KLHL1: variants seen among roughly 807,000 people sequenced by gnomAD.
KLHL1 encodes the protein kelch like family member 1.
In KLHL1, 47 loss-of-function variants were observed where a neutral mutation model predicts 77.7. The observed-to-expected ratio is 0.60, with a 90% CI of 0.48 to 0.77. The LOEUF is 0.77. KLHL1 is among the 30% of genes least tolerant of loss of function. The probability of loss-of-function intolerance (pLI) is 0.00; values close to 1 mark genes in which losing one functional copy is unlikely to be tolerated. For synonymous variants in KLHL1, 360 were observed against 325.2 expected, an observed-to-expected ratio of 1.11 and a Z score of -1.15; for missense variants, 925 against 910.8, an observed-to-expected ratio of 1.02 and a Z score of -0.20.
At position 69,865,081 on chromosome 13, in the gene KLHL1, G is replaced by C. The variant is rs563680509; in HGVS notation, c.1227+17202C>G. ...CCTGCCTCAGCCTCCTGAGTAGCTGGGGCTACAGGCATGCATGTATATTGT... is the reference window on the plus strand; with the variant it reads ...CCTGCCTCAGCCTCCTGAGTAGCTGCGGCTACAGGCATGCATGTATATTGT... On this transcript the variant is annotated intron_variant, in intron 5 of 10. Coordinates refer to ENST00000377844, the MANE Select transcript of KLHL1 (RefSeq NM_020866.3). Among the ~76,000 whole-genome samples the C allele has an allele frequency of 2.6e-5, 4 of 152,196 alleles. No individual in the cohort carries two copies. In the South Asian group the frequency reaches 8.3e-4, roughly 32 times the overall value.
intron 4 of KLHL1, among the ~76,000 whole-genome samples, chr13:69,920,009 A>G (rs1882581652): frequency 1.3e-5 from 2 of 152,132 alleles, no homozygotes; most frequent in South Asian, 4.1e-4. Flanking sequence ...TAAAGAACAT[A>G]TATGTAAAAT....
Position 69,817,243 on chromosome 13 carries a change from G to T in KLHL1, c.1415-20281C>A, listed in dbSNP as rs192014621. On this transcript the variant is annotated intron_variant, in intron 6 of 10. Transcript: ENST00000377844. ...AATTTTTCTAGCTTTCGTTGAAAAT[G>T]TAGACACTGGAATGAAAGAAAAAGA... 2.9e-3 allele frequency among the ~76,000 whole-genome samples: 438 copies of T among 152,210 alleles called. 6 individuals are homozygous for T. The highest frequency in any genetic ancestry group is 0.012 in the East Asian group (60 of 5,172).
intron 5 of KLHL1, among the ~76,000 whole-genome samples, chr13:69,848,717 GA>G (rs1401205445): frequency 6.6e-6 from 1 of 151,142 alleles, no homozygotes; most frequent in Non-Finnish European, 1.5e-5. Flanking sequence ...GAGGAAACAA[GA>G]AAAAAATGCA....
chr13:69,757,793 T>A (rs115117296), intron 7 of KLHL1, among the ~76,000 whole-genome samples: 3 of 151,282 alleles, frequency 2.0e-5, no homozygotes, highest in Admixed American at 6.6e-5. Context: ...TCGTCCCTAC[T>A]AAAAATGCAA....
At chr13:69,959,313 CTT>C (rs959157826) in intron 3 of KLHL1, among the ~76,000 whole-genome samples, 71 of 152,064 alleles carry the variant, frequency 4.7e-4, no homozygotes, top group African/African-American at 1.6e-3. Context: ...AGATCTCTGT[CTT>C]TTAGTTGCTG....
chr13:70,092,152 A>G (rs9564648), intron 1 of KLHL1, among the ~76,000 whole-genome samples: 42,847 of 152,074 alleles, frequency 0.28, 6,751 homozygotes, highest in African/African-American at 0.43. Context: ...CAGCCTATGC[A>G]ATTGAGCAGA....
At chr13:69,784,547 A>AAAAC (rs1275029635) in intron 7 of KLHL1, among the ~76,000 whole-genome samples, 1 of 151,922 alleles carries the variant, frequency 6.6e-6, no homozygotes, top group Admixed American at 6.6e-5. Flanking sequence ...AGTCTCTGAT[A>AAAAC]AAACAGACTT....
rs1373336247 is a variant in KLHL1, at chr13:70,057,761, C to T, written c.497+49442G>A. Reference sequence around the variant, plus strand: ...ACTGCAGTCCGCAGTCCGGCCTGGGCGACAGAGCGAGACTCCGTCTCAAAA... The same window carrying T: ...ACTGCAGTCCGCAGTCCGGCCTGGGTGACAGAGCGAGACTCCGTCTCAAAA... On this transcript the variant is annotated intron_variant, in intron 1 of 10. Transcript: ENST00000377844. Among the ~76,000 whole-genome samples, 5 of 109,164 alleles carry T rather than the reference C, an allele frequency of 4.6e-5. No individual in the cohort carries two copies. In the East Asian group the frequency reaches 1.1e-3, roughly 24 times the overall value. The allele number at this position is 109,164 out of a possible 152,430, so 71.6% of individuals were successfully genotyped here.
chr13:69,793,851 T>G (rs2138032869), intron 7 of KLHL1, among the ~76,000 whole-genome samples: 1 of 152,220 alleles, frequency 6.6e-6, no homozygotes, highest in Middle Eastern at 3.4e-3. Flanking sequence ...AGATAAAAAT[T>G]TAGAGCACTG....
intron 7 of KLHL1, among the ~76,000 whole-genome samples, chr13:69,775,341 G>A (rs1875772407): frequency 6.6e-6 from 1 of 152,104 alleles, no homozygotes; most frequent in South Asian, 2.1e-4. Context: ...AAATTTATAT[G>A]TCTTGTAAAA....
intron 5 of KLHL1, among the ~76,000 whole-genome samples, chr13:69,847,361 T>C (rs1280888476): frequency 2.0e-5 from 3 of 149,328 alleles, no homozygotes; most frequent in Non-Finnish European, 3.0e-5. Flanking sequence ...AGAAAAGACC[T>C]ACATCATAAG....
chr13:69,757,260 A>G (rs984789892), intron 7 of KLHL1, among the ~76,000 whole-genome samples: 3 of 152,164 alleles, frequency 2.0e-5, no homozygotes, highest in African/African-American at 4.8e-5. Flanking sequence ...TATGAACAAG[A>G]CCACATATGG....
chr13:69,887,411 AG>A (rs1223536143), intron 4 of KLHL1, among the ~76,000 whole-genome samples: 2 of 152,124 alleles, frequency 1.3e-5, no homozygotes, highest in East Asian at 1.9e-4. Context: ...TTTTTACAAC[AG>A]GGCCAGGCTG....
At chr13:70,060,614 C>T (rs1457462253) in intron 1 of KLHL1, among the ~76,000 whole-genome samples, 5 of 151,954 alleles carry the variant, frequency 3.3e-5, no homozygotes, top group South Asian at 2.1e-4. Context: ...GAGGCTGAGG[C>T]GCGTGGATCA....
At chr13:69,812,291 T>C (rs1877916684) in intron 6 of KLHL1, among the ~76,000 whole-genome samples, 1 of 151,824 alleles carries the variant, frequency 6.6e-6, no homozygotes, top group South Asian at 2.1e-4. Flanking sequence ...TTTCTGTTAT[T>C]TTACTTCCTT....
chr13:69,798,369 T>C (rs955768141), intron 6 of KLHL1, among the ~76,000 whole-genome samples: 19 of 152,180 alleles, frequency 1.2e-4, no homozygotes, highest in African/African-American at 4.6e-4. Flanking sequence ...ACAGAAGTTT[T>C]GCTAATTAAA....
chr13:69,932,711 C>G (rs1883039479), intron 4 of KLHL1, among the ~76,000 whole-genome samples: 1 of 151,574 alleles, frequency 6.6e-6, no homozygotes, highest in South Asian at 2.1e-4. Context: ...CTTTATATAG[C>G]TATGTGTTAT....
In KLHL1 at chr13:69,961,425, A is replaced by G. The variant is rs1473925492; in HGVS notation, c.700T>C (p.Ser234Pro). The change falls in exon 3 of 11, where the codon TCC becomes CCC. Residue 234 changes from serine (S) to proline (P), a missense_variant. Transcript: ENST00000377844. ...PAHRLVLSSV[S>P]DYFAAMFTSD... Reference sequence around the variant, plus strand: ...GTAAACATGGCCGCAAAATAGTCGGAGACTGAACTCAGAACAAGCCTGAAA... The same window carrying G: ...GTAAACATGGCCGCAAAATAGTCGGGGACTGAACTCAGAACAAGCCTGAAA... The G allele has an allele frequency of 2.5e-6, 4 of 1,612,892 alleles. No homozygotes were observed. Among genetic ancestry groups the G allele is most frequent in the Non-Finnish European group, 3.4e-6 (4 of 1,179,300 alleles).
intron 5 of KLHL1, among the ~76,000 whole-genome samples, chr13:69,848,719 A>G (rs961730369): frequency 1.3e-5 from 2 of 151,510 alleles, no homozygotes; most frequent in African/African-American, 4.8e-5. Context: ...GGAAACAAGA[A>G]AAAAATGCAT....
Sources: gnomAD v4.1 joint callset for allele counts (sites outside exome capture counted in the v4.1 genomes callset) on GRCh38, gnomAD v4.1.1 for gene constraint, MANE v1.5 for transcripts, NCBI Gene and HGNC (gene_info 2026-07-23, HGNC 2026-07-21) for gene names.